HS6ST1: variants seen among roughly 807,000 people sequenced by gnomAD.
HS6ST1 encodes the protein heparan sulfate 6-O-sulfotransferase 1, also known as heparan-sulfate 6-O-sulfotransferase 1.
In HS6ST1, 3 loss-of-function variants were observed where a neutral mutation model predicts 25.2. That is an observed-to-expected ratio of 0.12 (90% CI 0.05 to 0.31). HS6ST1 has a LOEUF of 0.31. Among genes scored for constraint, HS6ST1 ranks in the 10% least tolerant of loss-of-function variants. The pLI, the probability that HS6ST1 is intolerant of heterozygous loss-of-function variation, is 1.00. For synonymous variants in HS6ST1, 204 were observed against 275.1 expected (o/e 0.74, Z 2.56); for missense variants, 310 against 609.6 (o/e 0.51, Z 5.18).
chr2:128,314,265 C>A (rs1694330881), intron 1 of HS6ST1, among the ~76,000 whole-genome samples: 1 of 152,192 alleles, frequency 6.6e-6, no homozygotes, highest in Admixed American at 6.5e-5. Context: ...CAAGGAGTCC[C>A]CAGGTTCTCA....
chr2:128,274,295 C>T (rs1693657864), intron 1 of HS6ST1, among the ~76,000 whole-genome samples: 1 of 152,110 alleles, frequency 6.6e-6, no homozygotes, highest in Non-Finnish European at 1.5e-5. Flanking sequence ...AAAAAGTTGA[C>T]CCTTGAAGCA....
rs1007762051 is a variant in HS6ST1 at position 128,292,117 on chromosome 2, C to T, written c.528-23247G>A. On this transcript the variant is annotated intron_variant, in intron 1 of 1. Coordinates refer to ENST00000259241, the MANE Select transcript of HS6ST1 (RefSeq NM_004807.3). ...AACAGTGAGGAGGGTGAACTGAGGC[C>T]GGGGGGGCTGGGCCCAGCAAGAGTG... Among the ~76,000 whole-genome samples the T allele has an allele frequency of 7.2e-5, 11 of 152,232 alleles. No homozygotes were observed. The East Asian group carries it at 1.7e-3, about 24-fold the overall frequency.
chr2:128,297,466 T>C lies in HS6ST1; in HGVS notation c.527+20571A>G, dbSNP rs79880487. On this transcript the variant is annotated intron_variant, in intron 1 of 1. Coordinates refer to ENST00000259241, the MANE Select transcript of HS6ST1 (RefSeq NM_004807.3). ...TTTATGATACTAGATTTGGCAATGATCTCTTGAATATGACATCCAAACACA... is the reference window on the plus strand; with the variant it reads ...TTTATGATACTAGATTTGGCAATGACCTCTTGAATATGACATCCAAACACA... Among the ~76,000 whole-genome samples the C allele has an allele frequency of 5.6e-4, 86 of 152,284 alleles. No individual in the cohort carries two copies. The East Asian group carries it at 0.015, about 27-fold the overall frequency.
At chr2:128,300,579 C>A (rs144167990) in intron 1 of HS6ST1, among the ~76,000 whole-genome samples, 3 of 152,280 alleles carry the variant, frequency 2.0e-5, no homozygotes, top group Middle Eastern at 3.4e-3. Context: ...ACAGCTGGGA[C>A]CCCCATAGGA....
At chr2:128,290,186 C>T (rs114219557) in intron 1 of HS6ST1, 80 of 151,920 alleles carry the variant, frequency 5.3e-4, no homozygotes, top group African/African-American at 1.7e-3. Flanking sequence ...ACCATTTCAA[C>T]GACTTTGTAA....
In HS6ST1 at chr2:128,267,075, A is replaced by C. The variant is rs1371589837; in HGVS notation, c.*1087T>G. ...CTCGAGTCCCAGTTCCTGGCCATAC[A>C]GAGCCACTGTGGTCCGAGGGTACGG... On this transcript the variant is annotated 3_prime_UTR_variant, in exon 2 of 2. Coordinates refer to ENST00000259241, the MANE Select transcript of HS6ST1 (RefSeq NM_004807.3). 7 of 152,292 alleles carry C rather than the reference A, an allele frequency of 4.6e-5. No individual in the cohort carries two copies. The highest frequency in any genetic ancestry group is 1.0e-4 in the Non-Finnish European group (7 of 68,070). The allele number at this position is 152,292 out of a possible 1,614,324, so 9.4% of individuals were successfully genotyped here. A position where few individuals can be genotyped will look rare whatever the true frequency, so the allele number is the denominator to read the frequency against.
At chr2:128,270,785 CCA>C (rs751802302) in intron 1 of HS6ST1, among the ~76,000 whole-genome samples, 4 of 152,202 alleles carry the variant, frequency 2.6e-5, no homozygotes, top group Non-Finnish European at 4.4e-5. Context: ...ACACAAAAAA[CCA>C]CAGTGTGATG....
intron 1 of HS6ST1, among the ~76,000 whole-genome samples, chr2:128,304,084 G>A (rs1694172288): frequency 6.6e-6 from 1 of 152,192 alleles, no homozygotes; most frequent in Admixed American, 6.5e-5. Flanking sequence ...AGGTTCTCAG[G>A]CCTTTGGCCT....
chr2:128,309,295 G>C (rs1694255416), intron 1 of HS6ST1, among the ~76,000 whole-genome samples: 1 of 152,264 alleles, frequency 6.6e-6, no homozygotes, highest in Non-Finnish European at 1.5e-5. Flanking sequence ...CGTGAGGTGG[G>C]AAAAGAAAAT....
Position 128,268,558 on chromosome 2 carries a change from G to A in HS6ST1, c.840C>T (p.Ser280=), listed in dbSNP as rs567411064. ...CCATGCCCCGCAGGTTCTTCTTGGC[G>A]CTCTCGAGCAGCAGCTGGGCCCGCT... ...EGKRAQLLLE[S]AKKNLRGMAF... is the part of the protein sequence containing the mutation. Residue 280 remains serine, a synonymous_variant, in exon 2 of 2, where the codon AGC becomes AGT. Coordinates refer to ENST00000259241, the MANE Select transcript of HS6ST1 (RefSeq NM_004807.3). 422 of 1,600,390 alleles carry A rather than the reference G, an allele frequency of 2.6e-4. No individual in the cohort carries two copies. The South Asian group carries it at 3.4e-3, about 13-fold the overall frequency.
chr2:128,299,254 T>C (rs1003323649), intron 1 of HS6ST1, among the ~76,000 whole-genome samples: 1 of 151,976 alleles, frequency 6.6e-6, no homozygotes, highest in African/African-American at 2.4e-5. Context: ...GCATGGGAGG[T>C]GGTGTTCTGC....
At chr2:128,306,267 C>G (rs1205178948) in intron 1 of HS6ST1, among the ~76,000 whole-genome samples, 1 of 152,210 alleles carries the variant, frequency 6.6e-6, no homozygotes, top group African/African-American at 2.4e-5. Context: ...CTGGCTTTCC[C>G]TCCATCAACT....
chr2:128,302,473 C>G (rs1051943260), intron 1 of HS6ST1, among the ~76,000 whole-genome samples: 1 of 152,146 alleles, frequency 6.6e-6, no homozygotes, highest in Non-Finnish European at 1.5e-5. Context: ...CTGTGACCAT[C>G]TGCAGCTCCT....
At chr2:128,315,640 G>A (rs939443228) in intron 1 of HS6ST1, among the ~76,000 whole-genome samples, 1 of 152,212 alleles carries the variant, frequency 6.6e-6, no homozygotes, top group African/African-American at 2.4e-5. Flanking sequence ...GCCCCTGATA[G>A]AGAGTTGCTG....
chr2:128,310,943 C>T (rs934611140), intron 1 of HS6ST1, among the ~76,000 whole-genome samples: 31 of 152,100 alleles, frequency 2.0e-4, no homozygotes, highest in Non-Finnish European at 1.8e-4. Flanking sequence ...CTGTGAGTGG[C>T]GGGGTCTCGC....
intron 1 of HS6ST1, among the ~76,000 whole-genome samples, chr2:128,310,545 A>G (rs1694274972): frequency 6.6e-6 from 1 of 152,044 alleles, no homozygotes. Context: ...GGAGGGGGAG[A>G]GCTGTCCTGG....
intron 1 of HS6ST1, among the ~76,000 whole-genome samples, chr2:128,315,457 C>G (rs1694347672): frequency 6.6e-6 from 1 of 152,098 alleles, no homozygotes. Context: ...AGGAGCCAGC[C>G]TTGGGCAGGG....
intron 1 of HS6ST1, among the ~76,000 whole-genome samples, chr2:128,290,793 G>A (rs543472612): frequency 4.8e-4 from 54 of 111,776 alleles, no homozygotes; most frequent in African/African-American, 1.3e-3. Flanking sequence ...CCAACATGGC[G>A]AAACACCGTC....
intron 1 of HS6ST1, among the ~76,000 whole-genome samples, chr2:128,298,795 G>A (rs1694078299): frequency 6.6e-6 from 1 of 152,174 alleles, no homozygotes. Context: ...AAAATGGTTA[G>A]AATGGTAAAT....
Sources: gnomAD v4.1 joint callset for allele counts (sites outside exome capture counted in the v4.1 genomes callset) on GRCh38, gnomAD v4.1.1 for gene constraint, MANE v1.5 for transcripts, NCBI Gene and HGNC (gene_info 2026-07-23, HGNC 2026-07-21) for gene names.